Variants in ZNF569 observed in about 807,000 individuals in gnomAD.
ZNF569 encodes the protein zinc finger protein 569, also known as DNA-binding protein.
A neutral mutation model predicts 56.3 loss-of-function variants in ZNF569; 38 were observed. The observed-to-expected ratio is 0.68, with a 90% CI of 0.52 to 0.88. ZNF569 has a LOEUF of 0.88. ZNF569 is among the 40% of genes least tolerant of loss of function. The pLI is 0.00. For missense variants in ZNF569, 666 were observed against 809.2 expected (o/e 0.82, Z 2.15); for synonymous variants, 241 against 262.9 (o/e 0.92, Z 0.81).
At chr19:37,454,922 T>A in intron 2 of ZNF569, 1 of 699,900 alleles carries the variant, frequency 1.4e-6, no homozygotes, top group Non-Finnish European at 2.6e-6. Context: ...TTCCCCAGAT[T>A]TAAGATTACT....
intron 3 of ZNF569, among the ~76,000 whole-genome samples, chr19:37,441,158 G>C (rs1166534394): frequency 6.6e-6 from 1 of 152,166 alleles, no homozygotes; most frequent in Non-Finnish European, 1.5e-5. Context: ...TTACAGGCCT[G>C]GAATAGAGGA....
At chr19:37,438,884 G>A (rs988717851) in intron 3 of ZNF569, among the ~76,000 whole-genome samples, 2 of 152,038 alleles carry the variant, frequency 1.3e-5, no homozygotes, top group Non-Finnish European at 2.9e-5. Flanking sequence ...AATATATAAG[G>A]AGCTCAAATA....
intron 3 of ZNF569, among the ~76,000 whole-genome samples, chr19:37,432,419 C>A (rs905367972): frequency 1.3e-5 from 2 of 152,192 alleles, no homozygotes; most frequent in African/African-American, 4.8e-5. Flanking sequence ...CAAGGTGGTA[C>A]CTCTATGATT....
chr19:37,460,912 A>G (rs1260516639), intron 2 of ZNF569, among the ~76,000 whole-genome samples: 1 of 152,184 alleles, frequency 6.6e-6, no homozygotes, highest in African/African-American at 2.4e-5. Flanking sequence ...AACACTTAAC[A>G]AAAAAATTTG....
rs536189416 is a variant in ZNF569 at position 37,432,302 on chromosome 19, C to A, written c.16-5924G>T. On this transcript the variant is annotated intron_variant, in intron 3 of 5. Transcript: ENST00000316950. ...CACAGGGGTGCTTGTGTCACCCCTC[C>A]CCTAGCTCCAGGCAACTCAGCACAG... 1.1e-3 allele frequency among the ~76,000 whole-genome samples: 172 copies of A among 152,286 alleles called. 1 individual carries two copies. The highest frequency in any genetic ancestry group is 4.0e-3 in the African/African-American group (168 of 41,556).
intron 3 of ZNF569, among the ~76,000 whole-genome samples, chr19:37,434,496 G>A (rs551708256): frequency 6.6e-6 from 1 of 152,288 alleles, no homozygotes; most frequent in East Asian, 1.9e-4. Flanking sequence ...AGACCATCAT[G>A]GCCAACATGG....
Position 37,426,240 on chromosome 19 carries a change from A to C in ZNF569, c.142+12T>G. The C allele has an allele frequency of 6.3e-7, 1 of 1,596,422 alleles. No homozygotes were observed. Among genetic ancestry groups the C allele is most frequent in the Non-Finnish European group, 8.5e-7 (1 of 1,174,954 alleles). ...TTTCCAGAGTTTGAATTATATAGTA[A>C]ATTACTCTTACCTACTGTGATTAAG... On this transcript the variant is annotated intron_variant, in intron 4 of 5. Coordinates refer to ENST00000316950, the MANE Select transcript of ZNF569 (RefSeq NM_152484.3).
chr19:37,434,840 A>T (rs1361359783), intron 3 of ZNF569, among the ~76,000 whole-genome samples: 1 of 152,166 alleles, frequency 6.6e-6, no homozygotes, highest in Non-Finnish European at 1.5e-5. Flanking sequence ...CCCTGCCCGC[A>T]AAACATTGCT....
At chr19:37,426,025 A>C (rs770164734) in intron 4 of ZNF569, 62 bp from the exon 5 acceptor site, 1 of 1,560,226 alleles carries the variant, frequency 6.4e-7, no homozygotes, top group Non-Finnish European at 8.8e-7. Flanking sequence ...CCACCCAAAA[A>C]TTGAGGCTGG....
chr19:37,468,497 T>C (rs963203517), upstream of ZNF569, among the ~76,000 whole-genome samples: 4 of 151,852 alleles, frequency 2.6e-5, no homozygotes, highest in African/African-American at 9.7e-5. Context: ...CACGAGGTTT[T>C]TGTTTGTTTG....
chr19:37,463,434 A>AC (rs1335947184), intron 2 of ZNF569, among the ~76,000 whole-genome samples: 1 of 152,186 alleles, frequency 6.6e-6, no homozygotes, highest in Non-Finnish European at 1.5e-5. Flanking sequence ...TAGTGTCAAC[A>AC]CCCCTACTGC....
intron 2 of ZNF569, among the ~76,000 whole-genome samples, chr19:37,453,421 C>T (rs984555926): frequency 6.6e-6 from 1 of 152,140 alleles, no homozygotes; most frequent in African/African-American, 2.4e-5. Context: ...TCCTACACCA[C>T]CATCTTGCTG....
At chr19:37,419,126 A>T (rs1441601259) in intron 5 of ZNF569, among the ~76,000 whole-genome samples, 2 of 152,124 alleles carry the variant, frequency 1.3e-5, no homozygotes, top group African/African-American at 4.8e-5. Flanking sequence ...TCCGTTTAAT[A>T]GGGCTGTTTT....
chr19:37,435,549 T>G (rs1241749798), intron 3 of ZNF569, among the ~76,000 whole-genome samples: 2 of 152,074 alleles, frequency 1.3e-5, no homozygotes, highest in Non-Finnish European at 2.9e-5. Context: ...TGGCTGAATA[T>G]ATTATAAAAA....
chr19:37,461,313 CTT>C (rs200197328), intron 2 of ZNF569, among the ~76,000 whole-genome samples: 27,523 of 136,566 alleles, frequency 0.2, 2,361 homozygotes, highest in South Asian at 0.31. Flanking sequence ...AAAATATCCT[CTT>C]TTTTTTTTTT....
chr19:37,467,905 G>C, upstream of ZNF569: 1 of 1,536,058 alleles, frequency 6.5e-7, no homozygotes, highest in Admixed American at 2.0e-5. Context: ...GCATGTATTT[G>C]TTCTTTCTGG....
chr19:37,468,564 C>G (rs1403825385), upstream of ZNF569, among the ~76,000 whole-genome samples: 2 of 151,936 alleles, frequency 1.3e-5, no homozygotes, highest in Admixed American at 1.3e-4. Flanking sequence ...GGCGCGATCT[C>G]GGCTCACTGC....
chr19:37,460,562 C>A (rs544224372), intron 2 of ZNF569, among the ~76,000 whole-genome samples: 1 of 151,840 alleles, frequency 6.6e-6, no homozygotes, highest in East Asian at 1.9e-4. Flanking sequence ...CTATATATGT[C>A]TATAAGAAAC....
rs116347521 is a variant in ZNF569 at position 37,445,322 on chromosome 19, G to A, written c.-43-358C>T. Among the ~76,000 whole-genome samples, 1,081 of 152,270 alleles carry A rather than the reference G, an allele frequency of 7.1e-3. 15 individuals carry two copies. Among genetic ancestry groups the A allele is most frequent in the African/African-American group, 0.024 (1,007 of 41,550 alleles). ...GTCATAATTAGCAATTAAAAAAGAA[G>A]TAGCAATTTAAAAGAATTTAAAAGG... is the stretch of plus-strand genomic sequence containing the variant. On this transcript the variant is annotated intron_variant, in intron 2 of 5. Coordinates refer to ENST00000316950, the MANE Select transcript of ZNF569 (RefSeq NM_152484.3).
Sources: gnomAD v4.1 joint callset for allele counts (sites outside exome capture counted in the v4.1 genomes callset) on GRCh38, gnomAD v4.1.1 for gene constraint, MANE v1.5 for transcripts, NCBI Gene and HGNC (gene_info 2026-07-23, HGNC 2026-07-21) for gene names.